TEX2: variants seen among roughly 807,000 people sequenced by gnomAD.
TEX2 encodes testis-expressed protein 2.
Under a neutral mutation model 106.9 loss-of-function variants are expected in TEX2, and 53 were observed. That is an observed-to-expected ratio of 0.50 (90% CI 0.40 to 0.62). TEX2 has a LOEUF of 0.62. Ranked by LOEUF, TEX2 falls within the 20% of genes least tolerant of loss-of-function variation. The pLI is 0.00. For synonymous variants in TEX2, 523 were observed against 534.8 expected (o/e 0.98, Z 0.30); for missense variants, 1,207 against 1,379.0 (o/e 0.88, Z 1.98).
rs899966847 is a variant in TEX2, at chr17:64,177,291, G to T, written c.2571+34C>A. 1.2e-5 allele frequency: 19 copies of T among 1,611,228 alleles called. No individual in the cohort carries two copies. The African/African-American group carries it at 2.1e-4, about 18-fold the overall frequency. On this transcript the variant is annotated intron_variant, in intron 6 of 11. Coordinates refer to ENST00000584379, the MANE Select transcript of TEX2 (RefSeq NM_001288732.2). ...AAATTTCCAGAAATGAAGAAGTATA[G>T]AGGATTAGAAGCCTCTTGTGTGGAA...
chr17:64,259,251 G>GT (rs1363399175), intron 1 of TEX2, among the ~76,000 whole-genome samples: 2 of 152,176 alleles, frequency 1.3e-5, no homozygotes, highest in Non-Finnish European at 2.9e-5. Context: ...ACCAATGCCA[G>GT]TCAAGGGCTT....
chr17:64,223,230 C>T (rs933262494), intron 1 of TEX2, among the ~76,000 whole-genome samples: 4 of 152,018 alleles, frequency 2.6e-5, no homozygotes, highest in Non-Finnish European at 5.9e-5. Context: ...AGGTCATCAT[C>T]ATCAATTAGG....
rs149515690 is a variant in TEX2, at chr17:64,236,616, A to G, written c.-25-22374T>C. Among the ~76,000 whole-genome samples, 947 of 152,352 alleles carry G rather than the reference A, an allele frequency of 6.2e-3. 9 individuals carry two copies. The highest frequency in any genetic ancestry group is 0.022 in the African/African-American group (908 of 41,586). ...TGCAAATATAACACCACTTTATACA[A>G]GCGACTTGAGCATTCTCTGATTTTG... On this transcript the variant is annotated intron_variant, in intron 1 of 11. Coordinates refer to ENST00000584379, the MANE Select transcript of TEX2 (RefSeq NM_001288732.2).
intron 2 of TEX2, among the ~76,000 whole-genome samples, chr17:64,202,417 G>C: frequency 6.6e-6 from 1 of 152,192 alleles, no homozygotes; most frequent in Non-Finnish European, 1.5e-5. Context: ...CTACTGACCT[G>C]AAACCAGGTT....
In TEX2 at chr17:64,188,374, G is replaced by T. The variant is rs1386324236; in HGVS notation, c.2218C>A (p.His740Asn). ...AHSRHNSPSGHLTHSRSSSKG... is the reference protein window; with the variant it reads ...AHSRHNSPSGNLTHSRSSSKG... ...CTGCTGCTGCGGCTGTGGGTCAGGT[G>T]CCCGGACGGACTGTTGTGTCTGCTG... Residue 740 changes from histidine to asparagine, a missense_variant, in exon 5 of 12, where the codon CAC becomes AAC. Transcript: ENST00000584379. The T allele has an allele frequency of 1.9e-6, 3 of 1,614,102 alleles. No homozygotes were observed. The highest frequency in any genetic ancestry group is 2.7e-5 in the African/African-American group (2 of 74,924).
intron 2 of TEX2, among the ~76,000 whole-genome samples, chr17:64,201,816 C>T (rs1185991590): frequency 6.6e-6 from 1 of 152,204 alleles, no homozygotes; most frequent in African/African-American, 2.4e-5. Context: ...TCCACAAGAG[C>T]AGGGATCATC....
chr17:64,214,525 G>C (rs979751596), intron 1 of TEX2, among the ~76,000 whole-genome samples: 1 of 152,000 alleles, frequency 6.6e-6, no homozygotes, highest in African/African-American at 2.4e-5. Context: ...CTTTTAACTG[G>C]TTAATTTCTA....
chr17:64,171,419 T>C lies in TEX2; in HGVS notation c.2572-220A>G, dbSNP rs530966323. Among the ~76,000 whole-genome samples the C allele has an allele frequency of 8.2e-4, 124 of 152,090 alleles. 1 individual carries two copies. The highest frequency in any genetic ancestry group is 1.4e-3 in the Non-Finnish European group (93 of 67,992). ...GGCCTGGCTCTCACGGGGTTTATAA[T>C]AGAAAGGCAGAAACAGGTAAATACA... is the stretch of plus-strand genomic sequence containing the variant. On this transcript the variant is annotated intron_variant, in intron 6 of 11. Coordinates refer to ENST00000584379, the MANE Select transcript of TEX2 (RefSeq NM_001288732.2).
chr17:64,225,349 A>C (rs1461699239), intron 1 of TEX2, among the ~76,000 whole-genome samples: 1 of 152,164 alleles, frequency 6.6e-6, no homozygotes, highest in Non-Finnish European at 1.5e-5. Context: ...AAGGGCATTG[A>C]GATGGGAACA....
intron 1 of TEX2, among the ~76,000 whole-genome samples, chr17:64,240,232 G>GGTGT (rs1567964351): frequency 7.6e-6 from 1 of 130,982 alleles, no homozygotes; most frequent in Non-Finnish European, 1.6e-5. Flanking sequence ...TGTATATGCA[G>GGTGT]ATGTGTGTGT....
intron 1 of TEX2, among the ~76,000 whole-genome samples, chr17:64,261,863 C>G (rs2034292620): frequency 6.6e-6 from 1 of 152,206 alleles, no homozygotes; most frequent in Admixed American, 6.5e-5. Context: ...TAGGTAAGAG[C>G]TAACAGAAAT....
intron 7 of TEX2, among the ~76,000 whole-genome samples, chr17:64,167,520 G>T (rs1424522272): frequency 6.6e-6 from 1 of 152,070 alleles, no homozygotes; most frequent in Non-Finnish European, 1.5e-5. Context: ...AGTAGGTGCT[G>T]TAAGAATCCC....
chr17:64,245,792 C>A (rs2033976165), intron 1 of TEX2, among the ~76,000 whole-genome samples: 1 of 51,924 alleles, frequency 1.9e-5, no homozygotes, highest in Non-Finnish European at 4.7e-5. Context: ...CGGAAGGGAG[C>A]CCCCAGCACA....
chr17:64,255,043 T>C (rs1443900338), intron 1 of TEX2, among the ~76,000 whole-genome samples: 4 of 151,086 alleles, frequency 2.6e-5, no homozygotes, highest in Admixed American at 1.3e-4. Flanking sequence ...TTTTTTTTTT[T>C]TTTGTAGAGG....
rs551187252 is a variant in TEX2, at chr17:64,166,071, G to C, written c.2671+5029C>G. Among the ~76,000 whole-genome samples the C allele has an allele frequency of 1.5e-3, 235 of 152,306 alleles. 1 individual carries two copies. Among genetic ancestry groups the C allele is most frequent in the African/African-American group, 5.4e-3 (225 of 41,562 alleles). ...ATCCTTGGATCATTCTGACGCTGCTGACACACCTGTGGGCACCTGTTCTGA... is the reference window on the plus strand; with the variant it reads ...ATCCTTGGATCATTCTGACGCTGCTCACACACCTGTGGGCACCTGTTCTGA... On this transcript the variant is annotated intron_variant, in intron 7 of 11. Transcript: ENST00000584379.
chr17:64,186,626 G>A (rs1050436155), intron 5 of TEX2, among the ~76,000 whole-genome samples: 2 of 152,130 alleles, frequency 1.3e-5, no homozygotes, highest in African/African-American at 4.8e-5. Flanking sequence ...AGACCAGACT[G>A]GGCAACATGG....
chr17:64,230,166 T>C (rs1273350379), intron 1 of TEX2, among the ~76,000 whole-genome samples: 7 of 152,052 alleles, frequency 4.6e-5, no homozygotes, highest in Non-Finnish European at 4.4e-5. Flanking sequence ...CATGTGTGTG[T>C]AGGGGAAAGA....
intron 1 of TEX2, among the ~76,000 whole-genome samples, chr17:64,214,634 G>A (rs2033131944): frequency 6.6e-6 from 1 of 152,220 alleles, no homozygotes; most frequent in Admixed American, 6.5e-5. Context: ...ATCCTGTTGA[G>A]TTTGAGGATC....
At chr17:64,223,618 GAGAC>G (rs2033422614) in intron 1 of TEX2, among the ~76,000 whole-genome samples, 2 of 151,604 alleles carry the variant, frequency 1.3e-5, no homozygotes, top group Admixed American at 6.6e-5. Context: ...GAAAGAATGA[GAGAC>G]AGGGTAAGGC....
Sources: allele counts gnomAD v4.1 joint callset (sites outside exome capture counted in the v4.1 genomes callset), GRCh38; gene constraint gnomAD v4.1.1; transcripts MANE v1.5; gene names NCBI Gene and HGNC (gene_info 2026-07-23, HGNC 2026-07-21).